The following UBXN2A variants were observed in gnomAD, a reference collection of about 807,000 sequenced individuals.
UBXN2A encodes the protein UBX domain protein 2A.
In UBXN2A, 28 loss-of-function variants were observed where a neutral mutation model predicts 28.4. The ratio of observed to expected loss-of-function variants is 0.99; its 90% CI spans 0.73 to 1.35. The LOEUF is 1.35. Among genes scored for constraint, UBXN2A ranks in the 40% most tolerant of loss-of-function variants. The pLI is 0.00. For missense variants in UBXN2A, 253 were observed against 297.9 expected, an observed-to-expected ratio of 0.85 and a Z score of 1.11; for synonymous variants, 97 against 103.6, an observed-to-expected ratio of 0.94 and a Z score of 0.39.
chr2:23,936,118 AAAGT>A (rs1273002473), upstream of UBXN2A, among the ~76,000 whole-genome samples: 3 of 152,144 alleles, frequency 2.0e-5, no homozygotes, highest in African/African-American at 7.2e-5. Flanking sequence ...TAAAAAATTG[AAAGT>A]AAGGAGTCAA....
intron 1 of UBXN2A, among the ~76,000 whole-genome samples, chr2:23,947,660 GTTAAAA>G (rs1706153979): frequency 6.6e-6 from 1 of 152,116 alleles, no homozygotes; most frequent in South Asian, 2.1e-4. Flanking sequence ...GTGTCTCCAT[GTTAAAA>G]TTAATTTTTA....
chr2:23,933,726 G>GA (rs946899651), intron 1 of UBXN2A, among the ~76,000 whole-genome samples: 10 of 148,868 alleles, frequency 6.7e-5, no homozygotes, highest in Admixed American at 5.3e-4. Flanking sequence ...TGTCTCAAAA[G>GA]AAAAAAAACA....
At chr2:23,952,654 AG>A (rs11342032) in intron 1 of UBXN2A, among the ~76,000 whole-genome samples, 18,246 of 152,024 alleles carry the variant, frequency 0.12, 1,164 homozygotes, top group Middle Eastern at 0.2. Context: ...CATGTTGGCC[AG>A]GCTAGTCTTG....
intron 1 of UBXN2A, among the ~76,000 whole-genome samples, chr2:23,948,884 G>C (rs1475537744): frequency 6.6e-6 from 1 of 150,424 alleles, no homozygotes. Flanking sequence ...TAATTTCCTA[G>C]AGAACAATAA....
chr2:23,967,012 CCT>C (rs199660772), intron 2 of UBXN2A, among the ~76,000 whole-genome samples: 2,192 of 152,124 alleles, frequency 0.014, 29 homozygotes, highest in South Asian at 0.035. Context: ...CCTACCTTGG[CCT>C]CCCAAAATGC....
At chr2:23,947,298 T>G (rs1706134391) in intron 1 of UBXN2A, among the ~76,000 whole-genome samples, 1 of 152,206 alleles carries the variant, frequency 6.6e-6, no homozygotes, top group Admixed American at 6.5e-5. Context: ...TGTCTCCTGA[T>G]TGATTTCATC....
At position 23,976,812 on chromosome 2, in the gene UBXN2A, C is replaced by T. The variant is rs149716412; in HGVS notation, c.181-157C>T. ...CCAGGGCTGGTCTCCAACTCCTAGG[C>T]TCAAGTAGTCCTCCTGTCTTGGCCT... On this transcript the variant is annotated intron_variant, in intron 3 of 6. Transcript: ENST00000309033. Among the ~76,000 whole-genome samples the T allele has an allele frequency of 3.6e-3, 555 of 152,156 alleles. 7 individuals carry two copies. Among genetic ancestry groups the T allele is most frequent in the African/African-American group, 0.013 (520 of 41,496 alleles).
At chr2:23,958,246 C>T in intron 1 of UBXN2A, 55 bp from the exon 2 acceptor site, 1 of 1,439,822 alleles carries the variant, frequency 6.9e-7, no homozygotes. Flanking sequence ...TGGTAACTTA[C>T]ATATTAAGCT....
chr2:23,949,690 T>C (rs149158542), intron 1 of UBXN2A, among the ~76,000 whole-genome samples: 5,611 of 151,424 alleles, frequency 0.037, 106 homozygotes, highest in South Asian at 0.046. Flanking sequence ...GCCTGGCCAA[T>C]GTGGTGAAAC....
At chr2:23,980,419 C>G (rs1707845559) in intron 4 of UBXN2A, among the ~76,000 whole-genome samples, 1 of 152,098 alleles carries the variant, frequency 6.6e-6, no homozygotes, top group African/African-American at 2.4e-5. Flanking sequence ...TATGAGGCTT[C>G]CAGTTTTTCC....
chr2:23,927,484 G>A (rs1481352327), exon 1 of UBXN2A: 5 of 153,286 alleles, frequency 3.3e-5, no homozygotes, highest in Admixed American at 6.5e-5. Context: ...ACGAAGGCGC[G>A]AGGAGCTGAC....
intron 3 of UBXN2A, among the ~76,000 whole-genome samples, chr2:23,972,023 C>T (rs562500356): frequency 2.6e-5 from 4 of 151,930 alleles, no homozygotes; most frequent in Non-Finnish European, 5.9e-5. Flanking sequence ...TGCTTGAGCT[C>T]AGGAGTTTGA....
At chr2:23,935,505 T>C (rs770940959), upstream of UBXN2A, among the ~76,000 whole-genome samples, 1 of 152,206 alleles carries the variant, frequency 6.6e-6, no homozygotes, top group East Asian at 1.9e-4. Context: ...GCATCACTAG[T>C]CATCAGAGAA....
intron 6 of UBXN2A, among the ~76,000 whole-genome samples, chr2:23,991,057 A>T (rs1473350627): frequency 6.6e-6 from 1 of 152,256 alleles, no homozygotes; most frequent in East Asian, 1.9e-4. Flanking sequence ...GATGCCTCCC[A>T]TGTTCTGTCC....
At chr2:23,937,712 C>T (rs769696808), upstream of UBXN2A, among the ~76,000 whole-genome samples, 3 of 152,126 alleles carry the variant, frequency 2.0e-5, no homozygotes, top group Non-Finnish European at 2.9e-5. Flanking sequence ...GAGACTTGTA[C>T]GTGGAAAACT....
At chr2:23,987,254 C>T (rs896142263) in intron 6 of UBXN2A, among the ~76,000 whole-genome samples, 4 of 151,816 alleles carry the variant, frequency 2.6e-5, no homozygotes, top group African/African-American at 9.7e-5. Flanking sequence ...GAATAAAATA[C>T]ATATGTACCA....
At chr2:23,960,045 G>A (rs1706827814) in intron 2 of UBXN2A, among the ~76,000 whole-genome samples, 2 of 152,166 alleles carry the variant, frequency 1.3e-5, no homozygotes, top group East Asian at 3.9e-4. Context: ...GAAGTCAGGA[G>A]ATCGAGACCA....
At chr2:23,966,170 C>G (rs536511538) in intron 2 of UBXN2A, among the ~76,000 whole-genome samples, 1 of 151,856 alleles carries the variant, frequency 6.6e-6, no homozygotes, top group South Asian at 2.1e-4. Context: ...GACAGAATCT[C>G]TCTTTGTCGC....
upstream of UBXN2A, among the ~76,000 whole-genome samples, chr2:23,935,548 A>G (rs1170460026): frequency 1.3e-5 from 2 of 152,252 alleles, no homozygotes; most frequent in Non-Finnish European, 2.9e-5. Flanking sequence ...GATACACTTC[A>G]TACTCATTAG....
Sources: gnomAD v4.1 joint callset for allele counts (sites outside exome capture counted in the v4.1 genomes callset) on GRCh38, gnomAD v4.1.1 for gene constraint, MANE v1.5 for transcripts, NCBI Gene and HGNC (gene_info 2026-07-23, HGNC 2026-07-21) for gene names.